Variants in DEDD2 observed in about 807,000 individuals in gnomAD.
DEDD2 encodes DNA-binding death effector domain-containing protein 2.
A neutral mutation model predicts 28.9 loss-of-function variants in DEDD2; 18 were observed. The ratio of observed to expected loss-of-function variants is 0.62; its 90% CI spans 0.43 to 0.92. DEDD2 has a LOEUF of 0.92. Ranked by LOEUF, DEDD2 falls within the 40% of genes least tolerant of loss-of-function variation. The pLI is 0.00. For missense variants in DEDD2, 411 were observed against 463.3 expected, an observed-to-expected ratio of 0.89 and a Z score of 1.04; for synonymous variants, 211 against 206.1, an observed-to-expected ratio of 1.02 and a Z score of -0.20.
intron 2 of DEDD2, 108 bp from the exon 3 acceptor site, chr19:42,215,360 C>A: frequency 7.3e-7 from 1 of 1,363,694 alleles, no homozygotes; most frequent in South Asian, 1.3e-5. Context: ...GTAGTCAGAG[C>A]CCAAATACCC....
chr19:42,213,086 A>T (rs1296569222), intron 3 of DEDD2, among the ~76,000 whole-genome samples: 1 of 152,220 alleles, frequency 6.6e-6, no homozygotes, highest in African/African-American at 2.4e-5. Flanking sequence ...AGCCCAGGAC[A>T]TCTTGCAGTG....
At position 42,199,975 on chromosome 19, in the gene DEDD2, G is replaced by A; in HGVS notation, c.590-146C>T. 7.8e-7 allele frequency: 1 copy of A among 1,283,766 alleles called. No homozygotes were observed. The highest frequency in any genetic ancestry group is 1.1e-6 in the Non-Finnish European group (1 of 951,610). The allele number at this position is 1,283,766 out of a possible 1,614,324, so 79.5% of individuals were successfully genotyped here. On this transcript the variant is annotated intron_variant, in intron 4 of 4. Coordinates refer to ENST00000596251, the MANE Select transcript of DEDD2 (RefSeq NM_133328.4). This position sits in a 1 kb window ranked among gnomAD's most constrained non-coding sequence, Gnocchi z 7.4. ...CCTGACACAGCCTCCCCGGCTCTGT[G>A]GGGTTCCCTGACCAAGTACGTCCTC...
chr19:42,199,861 G>A lies in DEDD2; in HGVS notation c.590-32C>T. 6.4e-7 allele frequency: 1 copy of A among 1,555,844 alleles called. No homozygotes were observed. The highest frequency in any genetic ancestry group is 1.2e-5 in the South Asian group (1 of 84,288). On this transcript the variant is annotated intron_variant, in intron 4 of 4. Coordinates refer to ENST00000596251, the MANE Select transcript of DEDD2 (RefSeq NM_133328.4). The surrounding 1 kb of genome is among the most constrained non-coding windows in gnomAD (Gnocchi z 7.4). ...GGGAAGGAGGGATTTGTCAGGGAGGGGGCCAACACTAGACACACTTATGGG... is the reference window on the plus strand; with the variant it reads ...GGGAAGGAGGGATTTGTCAGGGAGGAGGCCAACACTAGACACACTTATGGG...
At chr19:42,202,301 C>A (rs1045713209) in intron 4 of DEDD2, among the ~76,000 whole-genome samples, 1 of 152,082 alleles carries the variant, frequency 6.6e-6, no homozygotes, top group Non-Finnish European at 1.5e-5. Context: ...CAGTCCCTGC[C>A]GTGTCCCCCC....
chr19:42,208,647 G>C (rs1427129777), intron 4 of DEDD2, among the ~76,000 whole-genome samples: 1 of 152,218 alleles, frequency 6.6e-6, no homozygotes, highest in Non-Finnish European at 1.5e-5. Flanking sequence ...GCGAGGCCAA[G>C]CTGCTCCGGC....
At chr19:42,205,153 C>T (rs2035481185) in intron 4 of DEDD2, among the ~76,000 whole-genome samples, 1 of 152,148 alleles carries the variant, frequency 6.6e-6, no homozygotes, top group African/African-American at 2.4e-5. Context: ...CAGCAAAATC[C>T]AGTCTTCGGG....
At chr19:42,201,844 G>A in intron 4 of DEDD2, 1 of 395,402 alleles carries the variant, frequency 2.5e-6, no homozygotes, top group Non-Finnish European at 4.5e-6. Flanking sequence ...ATCCTTGACT[G>A]CATCCTTGAC....
At chr19:42,216,314 G>A (rs999932489) in intron 2 of DEDD2, among the ~76,000 whole-genome samples, 7 of 152,176 alleles carry the variant, frequency 4.6e-5, no homozygotes, top group Admixed American at 2.0e-4. Context: ...TATTATACGT[G>A]CAAACTGCTT....
At chr19:42,219,890 T>C (rs2036099666), upstream of DEDD2, among the ~76,000 whole-genome samples, 1 of 152,170 alleles carries the variant, frequency 6.6e-6, no homozygotes, top group Non-Finnish European at 1.5e-5. Context: ...TAAACAATCT[T>C]TGAGGTGGCT....
chr19:42,217,522 G>T (rs2036033051), intron 1 of DEDD2, 110 bp downstream of exon 1: 1 of 164,370 alleles, frequency 6.1e-6, no homozygotes, highest in South Asian at 1.4e-4. Flanking sequence ...AGGTGGTACC[G>T]TCCGAACCCG....
Position 42,216,534 on chromosome 19 carries a change from C to T in DEDD2, c.328+146G>A, listed in dbSNP as rs1443966156. 6.4e-5 allele frequency: 55 copies of T among 863,022 alleles called. No individual in the cohort carries two copies. The Middle Eastern group carries it at 8.8e-4, about 14-fold the overall frequency. The allele number at this position is 863,022 out of a possible 1,614,324, so 53.5% of individuals were successfully genotyped here. ...GCCATGCTTTCTTCCTCTTATGTTG[C>T]TCATTGATATTGTGGGAAGAGAGAG... On this transcript the variant is annotated intron_variant, in intron 2 of 4. Transcript: ENST00000596251.
At chr19:42,205,000 A>G (rs2035474756) in intron 4 of DEDD2, among the ~76,000 whole-genome samples, 1 of 152,206 alleles carries the variant, frequency 6.6e-6, no homozygotes, top group Admixed American at 6.5e-5. Flanking sequence ...GGAGGCGCAC[A>G]ACACACCCTC....
At chr19:42,200,054 G>A (rs2035270359) in intron 4 of DEDD2, among the ~76,000 whole-genome samples, 1 of 152,086 alleles carries the variant, frequency 6.6e-6, no homozygotes, top group Admixed American at 6.5e-5. Context: ...CCCACCGCCA[G>A]GGGTGCTCTT....
chr19:42,209,950 G>C, intron 3 of DEDD2, 110 bp from the exon 4 acceptor site: 2 of 1,350,362 alleles, frequency 1.5e-6, no homozygotes, highest in Non-Finnish European at 1.9e-6. Context: ...CCCTGAGTGA[G>C]CCAGTCTGCC....
chr19:42,210,527 G>A (rs539708891), intron 3 of DEDD2, among the ~76,000 whole-genome samples: 19 of 151,968 alleles, frequency 1.3e-4, no homozygotes, highest in African/African-American at 4.3e-4. Context: ...CCAAGTAACC[G>A]GGATTACAGG....
chr19:42,217,839 A>G (rs1254546470), upstream of DEDD2: 1 of 152,190 alleles, frequency 6.6e-6, no homozygotes, highest in Non-Finnish European at 1.5e-5. Flanking sequence ...CCTGCCCCCA[A>G]CCGAAGCATC....
intron 2 of DEDD2, 44 bp from the exon 3 acceptor site, chr19:42,215,296 C>T: frequency 1.9e-6 from 3 of 1,606,006 alleles, no homozygotes; most frequent in Non-Finnish European, 2.6e-6. Context: ...GCCTCCTGGC[C>T]CTAATTCCCA....
At chr19:42,203,080 G>A (rs1232438507) in intron 4 of DEDD2, among the ~76,000 whole-genome samples, 1 of 152,160 alleles carries the variant, frequency 6.6e-6, no homozygotes, top group Non-Finnish European at 1.5e-5. Context: ...TGGGGAAATT[G>A]AGGCACACAG....
At chr19:42,219,651 A>G (rs554545567), upstream of DEDD2, among the ~76,000 whole-genome samples, 3 of 152,364 alleles carry the variant, frequency 2.0e-5, no homozygotes, top group East Asian at 3.9e-4. Flanking sequence ...TCTGGGCCTC[A>G]GTTTCCCTAC....
Sources: allele counts gnomAD v4.1 joint callset (sites outside exome capture counted in the v4.1 genomes callset), GRCh38; gene constraint gnomAD v4.1.1; non-coding constraint Gnocchi (gnomAD v3.1); transcripts MANE v1.5; gene names NCBI Gene and HGNC (gene_info 2026-07-23, HGNC 2026-07-21).